The following FOXN3 variants were observed in gnomAD, a reference collection of about 807,000 sequenced individuals.
The protein encoded by FOXN3 is forkhead box N3.
FOXN3 carries 7 observed loss-of-function variants against 38.4 expected under a neutral mutation model. That is an observed-to-expected ratio of 0.18 (90% confidence interval 0.10 to 0.34). FOXN3 has a LOEUF of 0.34. FOXN3 is among the 10% of genes least tolerant of loss of function. FOXN3 has a pLI of 1.00. For missense variants in FOXN3, 456 were observed against 613.4 expected (o/e 0.74, Z 2.71); for synonymous variants, 230 against 242.2 (o/e 0.95, Z 0.47).
intron 2 of FOXN3, among the ~76,000 whole-genome samples, chr14:89,396,134 T>TA (rs1891092794): frequency 6.6e-6 from 1 of 152,196 alleles, no homozygotes; most frequent in Admixed American, 6.5e-5. Context: ...ATTTATAGGT[T>TA]AAAGCATACT....
At chr14:89,614,933 G>A (rs1361681445) in intron 1 of FOXN3, among the ~76,000 whole-genome samples, 1 of 152,160 alleles carries the variant, frequency 6.6e-6, no homozygotes, top group African/African-American at 2.4e-5. Flanking sequence ...TTCCTTTAAA[G>A]AAGCTTACCC....
rs76089489 is a variant in FOXN3 at position 89,599,658 on chromosome 14, C to A, written c.-15+19370G>T. On this transcript the variant is annotated intron_variant, in intron 1 of 6. Transcript: ENST00000345097. Reference sequence around the variant, plus strand: ...GTACATGAAAAACTACAGTGATAACCTGAGTTTCTGGGAAAAGCATCTTCC... The same window carrying A: ...GTACATGAAAAACTACAGTGATAACATGAGTTTCTGGGAAAAGCATCTTCC... Among the ~76,000 whole-genome samples the A allele has an allele frequency of 9.6e-3, 1,460 of 152,082 alleles. 14 individuals are homozygous for A. The highest frequency in any genetic ancestry group is 0.033 in the African/African-American group (1,374 of 41,456).
At chr14:89,434,916 C>T (rs4904578) in intron 1 of FOXN3, among the ~76,000 whole-genome samples, 62,755 of 152,106 alleles carry the variant, frequency 0.41, 13,225 homozygotes, top group East Asian at 0.6. Context: ...ACCAGAACTA[C>T]TTTCCAAAAG....
chr14:89,451,713 T>C (rs1393845388), intron 1 of FOXN3, among the ~76,000 whole-genome samples: 2 of 152,206 alleles, frequency 1.3e-5, no homozygotes, highest in Non-Finnish European at 2.9e-5. Context: ...CAGATTCACT[T>C]TTTTTATCTT....
chr14:89,595,485 T>C (rs1896039916), intron 1 of FOXN3, among the ~76,000 whole-genome samples: 1 of 152,214 alleles, frequency 6.6e-6, no homozygotes, highest in Non-Finnish European at 1.5e-5. Context: ...TAATGTAAAT[T>C]CATGTTCTGA....
chr14:89,561,148 T>C (rs1895241122), intron 1 of FOXN3, among the ~76,000 whole-genome samples: 1 of 152,238 alleles, frequency 6.6e-6, no homozygotes, highest in African/African-American at 2.4e-5. Context: ...GCCTCCGTGA[T>C]AAAAGCGTGA....
intron 4 of FOXN3, among the ~76,000 whole-genome samples, chr14:89,193,864 A>G (rs970071849): frequency 6.6e-6 from 1 of 152,146 alleles, no homozygotes; most frequent in Non-Finnish European, 1.5e-5. Flanking sequence ...GAAATTGTCA[A>G]TCTTTAAAAA....
chr14:89,351,528 G>A (rs1270109825), intron 2 of FOXN3, among the ~76,000 whole-genome samples: 1 of 152,142 alleles, frequency 6.6e-6, no homozygotes, highest in Non-Finnish European at 1.5e-5. Context: ...GTGGAGAGAG[G>A]GAGGCTTCCT....
intron 1 of FOXN3, among the ~76,000 whole-genome samples, chr14:89,437,103 CG>C (rs1364604945): frequency 1.3e-5 from 2 of 151,686 alleles, no homozygotes; most frequent in Non-Finnish European, 2.9e-5. Flanking sequence ...CAATTGAACA[CG>C]GAAGGTTGCA....
intron 1 of FOXN3, among the ~76,000 whole-genome samples, chr14:89,463,091 AG>A (rs1566664425): frequency 2.7e-5 from 4 of 150,406 alleles, no homozygotes; most frequent in Non-Finnish European, 5.9e-5. Context: ...GAGATTGAGA[AG>A]ATCTGGCTAA....
chr14:89,322,242 A>G (rs1435819337), intron 3 of FOXN3, among the ~76,000 whole-genome samples: 1 of 152,076 alleles, frequency 6.6e-6, no homozygotes, highest in African/African-American at 2.4e-5. Flanking sequence ...GAACAGTAAG[A>G]TCTCGTAGTG....
chr14:89,560,294 T>G (rs955371911), intron 1 of FOXN3, among the ~76,000 whole-genome samples: 2 of 151,888 alleles, frequency 1.3e-5, no homozygotes, highest in Admixed American at 6.6e-5. Context: ...AACATGACAT[T>G]TGGGTGGGGA....
At chr14:89,404,440 G>A (rs2140090629) in intron 2 of FOXN3, among the ~76,000 whole-genome samples, 1 of 143,564 alleles carries the variant, frequency 7.0e-6, no homozygotes, top group Middle Eastern at 3.6e-3. Flanking sequence ...GGAAGGCGGA[G>A]GTTGCAGTGA....
At chr14:89,583,638 A>T (rs1258531479) in intron 1 of FOXN3, among the ~76,000 whole-genome samples, 1 of 151,700 alleles carries the variant, frequency 6.6e-6, no homozygotes, top group Admixed American at 6.6e-5. Flanking sequence ...TCATCTCACT[A>T]CAACCTCTGC....
rs541466512 is a variant in FOXN3 at position 89,345,622 on chromosome 14, AC to A, written c.680+5049del. 1.4e-4 allele frequency among the ~76,000 whole-genome samples: 21 copies of A among 151,760 alleles called. No homozygotes were observed. In the South Asian group the frequency reaches 4.4e-3, roughly 32 times the overall value. On this transcript the variant is annotated intron_variant, in intron 3 of 5. Transcript: ENST00000557258. The stretch of plus-strand genomic sequence containing the variant: ...TCTTTTATCCTTAATCCCCCTCCCA[AC>A]CTTCCCCCTACTCCCCTCCGAGTCC...
upstream of FOXN3, among the ~76,000 whole-genome samples, chr14:89,421,578 G>C (rs1224701654): frequency 6.6e-6 from 1 of 150,386 alleles, no homozygotes; most frequent in African/African-American, 2.5e-5. Context: ...CCAGGCTGGA[G>C]TGCAGTGGCG....
At chr14:89,379,090 T>C (rs1054255952) in intron 2 of FOXN3, among the ~76,000 whole-genome samples, 1 of 152,200 alleles carries the variant, frequency 6.6e-6, no homozygotes, top group East Asian at 1.9e-4. Flanking sequence ...GAAAGGGTTT[T>C]CGTGATACCC....
chr14:89,518,127 G>T (rs1894242739), intron 1 of FOXN3, among the ~76,000 whole-genome samples: 1 of 152,152 alleles, frequency 6.6e-6, no homozygotes. Context: ...TGACCCAGAA[G>T]CTCCCTGTCA....
chr14:89,376,075 A>C (rs979530550), intron 2 of FOXN3, among the ~76,000 whole-genome samples: 14 of 152,240 alleles, frequency 9.2e-5, no homozygotes, highest in African/African-American at 3.4e-4. Flanking sequence ...GAGCCACCAC[A>C]CCTGGCCTCC....
Sources: allele counts gnomAD v4.1 joint callset (sites outside exome capture counted in the v4.1 genomes callset), GRCh38; gene constraint gnomAD v4.1.1; transcripts MANE v1.5; gene names NCBI Gene and HGNC (gene_info 2026-07-23, HGNC 2026-07-21).